The following TPST1 variants were observed in gnomAD, a reference collection of about 807,000 sequenced individuals.
TPST1 encodes tyrosylprotein sulfotransferase 1, also known as protein-tyrosine sulfotransferase 1.
A neutral mutation model predicts 34.8 loss-of-function variants in TPST1; 20 were observed. The ratio of observed to expected loss-of-function variants is 0.57; its 90% CI spans 0.40 to 0.84. TPST1 has a LOEUF of 0.84. Ranked by LOEUF, TPST1 falls within the 40% of genes least tolerant of loss-of-function variation. The pLI is 0.00. For synonymous variants in TPST1, 152 were observed against 159.4 expected, an observed-to-expected ratio of 0.95 and a Z score of 0.35; for missense variants, 353 against 455.5, an observed-to-expected ratio of 0.78 and a Z score of 2.05.
At position 66,332,098 on chromosome 7, in the gene TPST1, C is replaced by G. The variant is rs181434815; in HGVS notation, c.1045-20407C>G. Among the ~76,000 whole-genome samples the G allele has an allele frequency of 6.6e-6, 1 of 152,014 alleles. No individual in the cohort carries two copies. The highest frequency in any genetic ancestry group is 2.1e-4 in the South Asian group (1 of 4,826). On this transcript the variant is annotated intron_variant, in intron 3 of 5. Coordinates refer to ENST00000304842, the MANE Select transcript of TPST1 (RefSeq NM_003596.4). The surrounding 1 kb of genome is among the most constrained non-coding windows in gnomAD (Gnocchi z 4.5). ...TAACAGAAATAAAGTGCACAGTAAA[C>G]GTAATGTGCTTGAATCATCCGGAAA...
At chr7:66,303,153 G>T (rs1385246087) in intron 3 of TPST1, among the ~76,000 whole-genome samples, 1 of 152,004 alleles carries the variant, frequency 6.6e-6, no homozygotes, top group African/African-American at 2.4e-5. Context: ...TATATTATAT[G>T]CTGCTGCTTT....
At chr7:66,231,093 G>A (rs1239381609) in intron 1 of TPST1, among the ~76,000 whole-genome samples, 1 of 152,062 alleles carries the variant, frequency 6.6e-6, no homozygotes, top group African/African-American at 2.4e-5. Flanking sequence ...TAGACATAAA[G>A]GTTCTCCAAG....
At chr7:66,236,571 T>G (rs1789916894) in intron 1 of TPST1, among the ~76,000 whole-genome samples, 5 of 152,158 alleles carry the variant, frequency 3.3e-5, no homozygotes. Context: ...ACCAATGTAC[T>G]TCTTACATAT....
chr7:66,298,969 A>G (rs758912062), intron 3 of TPST1, among the ~76,000 whole-genome samples: 7 of 152,014 alleles, frequency 4.6e-5, no homozygotes, highest in Non-Finnish European at 8.8e-5. Context: ...CTAAAAATAC[A>G]AAAAGAATTA....
At chr7:66,199,156 G>T in the TPST1 span, among the ~76,000 whole-genome samples, 166 of 152,220 alleles carry the variant, frequency 1.1e-3, no homozygotes, top group Non-Finnish European at 1.8e-3. Context: ...CCTGGCTCCC[G>T]TGCCCTGCTG....
intron 2 of TPST1, among the ~76,000 whole-genome samples, chr7:66,242,932 C>G (rs899825727): frequency 1.3e-5 from 2 of 152,084 alleles, no homozygotes; most frequent in African/African-American, 4.8e-5. Flanking sequence ...AATGGAGGCC[C>G]TGTAAGGCTC....
intron 3 of TPST1, 63 bp from the exon 4 acceptor site, chr7:66,352,442 A>G (rs1362818462): frequency 1.3e-6 from 2 of 1,580,690 alleles, no homozygotes. Flanking sequence ...GGCATGGCAC[A>G]TGTCCTGCAA....
intron 3 of TPST1, among the ~76,000 whole-genome samples, chr7:66,304,282 C>T (rs1791378689): frequency 6.6e-6 from 1 of 152,164 alleles, no homozygotes. Context: ...AGGAAACTGC[C>T]TCTCGCTGCC....
upstream of TPST1, among the ~76,000 whole-genome samples, chr7:66,204,185 A>T (rs1024721250): frequency 6.6e-6 from 1 of 152,018 alleles, no homozygotes; most frequent in African/African-American, 2.4e-5. Context: ...AAAAAAAAAA[A>T]GGTGATGTCT....
chr7:66,351,671 CA>C (rs749188820), intron 3 of TPST1, among the ~76,000 whole-genome samples: 1,527 of 111,858 alleles, frequency 0.014, 13 homozygotes, highest in African/African-American at 0.032. Context: ...CCCTCCCCTC[CA>C]AAAAAAAAAA....
In TPST1 at chr7:66,357,823, T is replaced by C. The variant is rs189299724; in HGVS notation, c.*29+952T>C. Among the ~76,000 whole-genome samples the C allele has an allele frequency of 3.7e-3, 557 of 152,290 alleles. 3 individuals carry two copies. The highest frequency in any genetic ancestry group is 6.5e-3 in the Admixed American group (100 of 15,292). The stretch of plus-strand genomic sequence containing the variant: ...GATATTGGCTGGGCATGGTGGCTCA[T>C]GCCTGTAATCCCAGCACTTTGGGAG... On this transcript the variant is annotated intron_variant, in intron 5 of 5. Transcript: ENST00000304842.
chr7:66,297,027 C>T (rs1400485179), intron 3 of TPST1, among the ~76,000 whole-genome samples: 2 of 152,142 alleles, frequency 1.3e-5, no homozygotes, highest in East Asian at 3.9e-4. Context: ...ACAGATTTCA[C>T]TCACAATTTC....
chr7:66,350,036 A>G (rs1363928652), intron 3 of TPST1, among the ~76,000 whole-genome samples: 4 of 151,940 alleles, frequency 2.6e-5, no homozygotes. Flanking sequence ...TTTTTTCGAG[A>G]TGGAGTTTCG....
intron 2 of TPST1, among the ~76,000 whole-genome samples, chr7:66,278,327 T>C (rs947780045): frequency 2.0e-5 from 3 of 152,096 alleles, no homozygotes; most frequent in Admixed American, 6.6e-5. Flanking sequence ...GAGTTGCTTT[T>C]AACTGAGATT....
At chr7:66,315,892 C>G (rs1324228376) in intron 3 of TPST1, among the ~76,000 whole-genome samples, 1 of 152,148 alleles carries the variant, frequency 6.6e-6, no homozygotes, top group African/African-American at 2.4e-5. Context: ...AGGCAGATCA[C>G]CTGAGGTCTG....
chr7:66,335,779 G>A (rs963252008), intron 3 of TPST1, among the ~76,000 whole-genome samples: 1 of 152,184 alleles, frequency 6.6e-6, no homozygotes, highest in Non-Finnish European at 1.5e-5. Context: ...CAATAGGCCA[G>A]TACTTAAGCT....
intron 3 of TPST1, among the ~76,000 whole-genome samples, chr7:66,339,052 TG>T (rs1013269709): frequency 2.0e-4 from 30 of 150,864 alleles, no homozygotes; most frequent in African/African-American, 7.1e-4. Context: ...GAAATGAAAA[TG>T]TTTTTTTGAA....
intron 3 of TPST1, among the ~76,000 whole-genome samples, chr7:66,347,595 C>T (rs151211182): frequency 4.9e-4 from 75 of 152,180 alleles, no homozygotes; most frequent in African/African-American, 1.2e-3. Context: ...TAGTATAATT[C>T]GAATTCAGGT....
chr7:66,274,209 A>G (rs1230972047), intron 2 of TPST1, among the ~76,000 whole-genome samples: 1 of 151,864 alleles, frequency 6.6e-6, no homozygotes, highest in Non-Finnish European at 1.5e-5. Flanking sequence ...TCTACTAAAA[A>G]TACAAAAAAT....
Sources: allele counts gnomAD v4.1 joint callset (sites outside exome capture counted in the v4.1 genomes callset), GRCh38; gene constraint gnomAD v4.1.1; non-coding constraint Gnocchi (gnomAD v3.1); transcripts MANE v1.5; gene names NCBI Gene and HGNC (gene_info 2026-07-23, HGNC 2026-07-21).